ATG5: variants seen among roughly 807,000 people sequenced by gnomAD.
ATG5 encodes autophagy related 5, also known as autophagy protein 5.
A neutral mutation model predicts 36.5 loss-of-function variants in ATG5; 14 were observed. The ratio of observed to expected loss-of-function variants is 0.38; its 90% CI spans 0.25 to 0.60. The LOEUF (loss-of-function observed/expected upper bound fraction) is 0.60. ATG5 is among the 20% of genes least tolerant of loss of function. ATG5 has a pLI of 0.60. For missense variants in ATG5, 195 were observed against 326.7 expected (o/e 0.60, Z 3.11); for synonymous variants, 95 against 101.5 (o/e 0.94, Z 0.38).
At chr6:106,282,428 T>C (rs73774306) in intron 4 of ATG5, among the ~76,000 whole-genome samples, 3 of 152,240 alleles carry the variant, frequency 2.0e-5, no homozygotes, top group African/African-American at 7.2e-5. Context: ...AGTTTGTGGA[T>C]GTTGTGCCCC....
At chr6:106,313,205 G>A (rs1162725663) in intron 2 of ATG5, among the ~76,000 whole-genome samples, 1 of 152,180 alleles carries the variant, frequency 6.6e-6, no homozygotes, top group Non-Finnish European at 1.5e-5. Flanking sequence ...AGAAGTAAAT[G>A]TGTGGGATGC....
chr6:106,323,188 T>C (rs980897331), intron 1 of ATG5, among the ~76,000 whole-genome samples: 11 of 151,836 alleles, frequency 7.2e-5, no homozygotes, highest in South Asian at 4.2e-4. Context: ...CCGCCCGCCT[T>C]GGCCTCCCAA....
At chr6:106,282,723 TTC>T (rs1434278989) in intron 4 of ATG5, among the ~76,000 whole-genome samples, 2 of 152,182 alleles carry the variant, frequency 1.3e-5, no homozygotes, top group African/African-American at 4.8e-5. Flanking sequence ...ACGTATTAAA[TTC>T]TGTCCATGAA....
chr6:106,320,204 C>T (rs1318588363), intron 1 of ATG5, among the ~76,000 whole-genome samples: 1 of 152,208 alleles, frequency 6.6e-6, no homozygotes, highest in Admixed American at 6.5e-5. Flanking sequence ...GCCATCATCC[C>T]TCCCAACTCC....
At chr6:106,266,581 A>C (rs2114567009) in intron 5 of ATG5, among the ~76,000 whole-genome samples, 1 of 152,360 alleles carries the variant, frequency 6.6e-6, no homozygotes, top group African/African-American at 2.4e-5. Context: ...TCCCTGATGA[A>C]CATCAATGTG....
At chr6:106,222,359 T>C (rs534064986) in intron 6 of ATG5, among the ~76,000 whole-genome samples, 2 of 152,368 alleles carry the variant, frequency 1.3e-5, no homozygotes, top group South Asian at 4.1e-4. Flanking sequence ...ATTTTATTCC[T>C]AAGTTTGAGA....
chr6:106,202,142 A>G (rs1257053866), intron 6 of ATG5, 53 bp from the exon 7 acceptor site: 2 of 1,406,444 alleles, frequency 1.4e-6, no homozygotes, highest in South Asian at 1.2e-5. Context: ...GTTGCTGCCA[A>G]TTACAAATTT....
At chr6:106,192,229 A>C (rs574174828) in intron 7 of ATG5, among the ~76,000 whole-genome samples, 2 of 151,674 alleles carry the variant, frequency 1.3e-5, no homozygotes. Context: ...TATTTTTTTT[A>C]AAAAAGATGA....
intron 6 of ATG5, among the ~76,000 whole-genome samples, chr6:106,227,076 C>G (rs1048930909): frequency 1.3e-5 from 2 of 150,932 alleles, no homozygotes; most frequent in Admixed American, 6.6e-5. Context: ...AACTTGACCC[C>G]AAAAATTAAT....
rs550558772 is a variant in ATG5 at position 106,195,725 on chromosome 6, T to C, written c.691+6247A>G. 4.0e-5 allele frequency among the ~76,000 whole-genome samples: 6 copies of C among 150,644 alleles called. No individual in the cohort carries two copies. In the East Asian group the frequency reaches 1.2e-3, roughly 29 times the overall value. On this transcript the variant is annotated intron_variant, in intron 7 of 7. Coordinates refer to ENST00000369076, the MANE Select transcript of ATG5 (RefSeq NM_004849.4). ...TGGGGAGAAGTCTGTCACACAGATG[T>C]ACTCACCTACAGCACCTGAAATCAC...
intron 3 of ATG5, among the ~76,000 whole-genome samples, chr6:106,303,689 A>G (rs552512839): frequency 3.9e-4 from 60 of 152,208 alleles, no homozygotes; most frequent in Non-Finnish European, 7.2e-4. Flanking sequence ...CCAACAATGT[A>G]TAAAACTTAT....
intron 2 of ATG5, among the ~76,000 whole-genome samples, chr6:106,309,505 T>A (rs1003824016): frequency 6.6e-6 from 1 of 152,142 alleles, no homozygotes; most frequent in African/African-American, 2.4e-5. Context: ...AACAAGCTGC[T>A]GAATAGTATT....
intron 5 of ATG5, among the ~76,000 whole-genome samples, chr6:106,266,019 G>C (rs1481520611): frequency 6.7e-6 from 1 of 148,822 alleles, no homozygotes; most frequent in Admixed American, 6.9e-5. Context: ...AGGAGATGGA[G>C]ACATGAAAAA....
At chr6:106,305,441 T>C in intron 3 of ATG5, among the ~76,000 whole-genome samples, 1 of 152,220 alleles carries the variant, frequency 6.6e-6, no homozygotes, top group East Asian at 1.9e-4. Flanking sequence ...TAGTTTTTTT[T>C]TCTTGTCATT....
At chr6:106,257,492 A>G (rs899528922) in intron 5 of ATG5, among the ~76,000 whole-genome samples, 4 of 152,202 alleles carry the variant, frequency 2.6e-5, no homozygotes, top group African/African-American at 9.6e-5. Flanking sequence ...GTTCCATTAT[A>G]ATCTTAAGGG....
chr6:106,283,762 T>A (rs1042087160), intron 4 of ATG5: 3 of 152,208 alleles, frequency 2.0e-5, no homozygotes, highest in South Asian at 2.1e-4. Context: ...CTGTGCAGGG[T>A]GTTTTACTCT....
intron 6 of ATG5, among the ~76,000 whole-genome samples, chr6:106,210,019 G>GATT (rs1216225956): frequency 2.0e-5 from 3 of 152,186 alleles, no homozygotes; most frequent in Non-Finnish European, 2.9e-5. Context: ...ATTTCCAAGT[G>GATT]ATTCATGTTT....
chr6:106,324,265 A>G (rs907294277), intron 1 of ATG5, among the ~76,000 whole-genome samples: 3 of 152,186 alleles, frequency 2.0e-5, no homozygotes, highest in Non-Finnish European at 4.4e-5. Flanking sequence ...ACACCATAAC[A>G]ACTATTTATA....
chr6:106,200,904 T>G (rs956650942), intron 7 of ATG5, among the ~76,000 whole-genome samples: 1 of 152,180 alleles, frequency 6.6e-6, no homozygotes, highest in African/African-American at 2.4e-5. Context: ...ACACACAATG[T>G]GGTCACTTGG....
Sources: allele counts gnomAD v4.1 joint callset (sites outside exome capture counted in the v4.1 genomes callset), GRCh38; gene constraint gnomAD v4.1.1; transcripts MANE v1.5; gene names NCBI Gene and HGNC (gene_info 2026-07-23, HGNC 2026-07-21).